KDM2B: variants seen among roughly 807,000 people sequenced by gnomAD.
The protein encoded by KDM2B is lysine demethylase 2B, also known as lysine-specific demethylase 2B.
Under a neutral mutation model 150.0 loss-of-function variants are expected in KDM2B, and 26 were observed. The observed-to-expected ratio is 0.17, with a 90% CI of 0.13 to 0.24. The LOEUF (loss-of-function observed/expected upper bound fraction) is 0.24, where lower values mean the gene tolerates loss of function less well. Among genes scored for constraint, KDM2B ranks in the 10% least tolerant of loss-of-function variants. The pLI, the probability that KDM2B is intolerant of heterozygous loss-of-function variation, is 1.00. For missense variants in KDM2B, 1,265 were observed against 1,816.9 expected (o/e 0.70, Z 5.52); for synonymous variants, 734 against 729.5 (o/e 1.01, Z -0.10).
chr12:121,548,592 A>C (rs1260268414), intron 6 of KDM2B, among the ~76,000 whole-genome samples: 6 of 152,158 alleles, frequency 3.9e-5, no homozygotes, highest in African/African-American at 1.2e-4. Context: ...AGACACACAC[A>C]CCGATGCAGA....
intron 4 of KDM2B, among the ~76,000 whole-genome samples, chr12:121,566,003 C>A (rs549711237): frequency 7.2e-5 from 11 of 151,736 alleles, no homozygotes; most frequent in Non-Finnish European, 1.0e-4. Flanking sequence ...AAAGGGGAGA[C>A]CTTGACCTCA....
At chr12:121,526,893 G>A (rs28518778) in intron 8 of KDM2B, among the ~76,000 whole-genome samples, 15 of 151,970 alleles carry the variant, frequency 9.9e-5, no homozygotes, top group East Asian at 5.9e-4. Flanking sequence ...TTAGCTGGGC[G>A]TGGTGGTGCA....
At chr12:121,445,017 G>C in intron 14 of KDM2B, 1 of 498,456 alleles carries the variant, frequency 2.0e-6, no homozygotes, top group Non-Finnish European at 3.6e-6. Context: ...TTTGCCATCT[G>C]CTGAGGCTCT....
At chr12:121,494,199 T>C (rs947841522) in intron 12 of KDM2B, 2 of 208,908 alleles carry the variant, frequency 9.6e-6, no homozygotes, top group Admixed American at 5.7e-5. Context: ...TTTTACACAC[T>C]GAGAAAAAGT....
At chr12:121,419,846 C>CTT in the KDM2B span, 2 of 165,694 alleles carry the variant, frequency 1.2e-5, no homozygotes, top group Non-Finnish European at 2.7e-5. Context: ...CTTGGGCTGA[C>CTT]CCATCAGAGC....
intron 11 of KDM2B, among the ~76,000 whole-genome samples, chr12:121,498,852 G>A (rs182520427): frequency 6.6e-6 from 1 of 152,180 alleles, no homozygotes; most frequent in Admixed American, 6.5e-5. Flanking sequence ...ACAGAGAGTT[G>A]CCCAGGCTTG....
rs1458479090 is a variant in KDM2B at position 121,429,195 on chromosome 12, A to G, written c.*1093T>C. The G allele has an allele frequency of 2.6e-5, 4 of 152,654 alleles. No homozygotes were observed. Among genetic ancestry groups the G allele is most frequent in the African/African-American group, 9.6e-5 (4 of 41,462 alleles). 9.5% of individuals were successfully genotyped at this position (152,654 alleles called of 1,614,324 possible). A position where few individuals can be genotyped will look rare whatever the true frequency, so the allele number is the denominator to read the frequency against. On this transcript the variant is annotated 3_prime_UTR_variant, in exon 23 of 23. Coordinates refer to ENST00000377071, the MANE Select transcript of KDM2B (RefSeq NM_032590.5). ...GTTCAAGAGTGGTTTTTTTTGTACA[A>G]TTGTTTATACAAATTCAACAAAGGT...
intron 6 of KDM2B, among the ~76,000 whole-genome samples, chr12:121,539,213 G>A (rs1274195945): frequency 6.6e-6 from 1 of 150,836 alleles, no homozygotes; most frequent in Non-Finnish European, 1.5e-5. Flanking sequence ...CGCGCCTGTA[G>A]TCCCAGCTAC....
At chr12:121,562,196 A>T (rs1890388620) in intron 4 of KDM2B, among the ~76,000 whole-genome samples, 1 of 151,560 alleles carries the variant, frequency 6.6e-6, no homozygotes, top group Non-Finnish European at 1.5e-5. Context: ...AACTTTAAAA[A>T]GGCCTGGCCA....
chr12:121,443,412 G>A (rs1402263916), intron 17 of KDM2B: 4 of 582,406 alleles, frequency 6.9e-6, no homozygotes, highest in Non-Finnish European at 1.2e-5. Flanking sequence ...CTTGTGGCTG[G>A]TGACAGCACG....
At chr12:121,420,847 G>T in the KDM2B span, 4 of 1,191,174 alleles carry the variant, frequency 3.4e-6, no homozygotes, top group Admixed American at 1.8e-5. Context: ...GGTTGTTTTT[G>T]TCACAATTAA....
intron 12 of KDM2B, among the ~76,000 whole-genome samples, chr12:121,464,550 G>A (rs918962164): frequency 3.3e-5 from 5 of 152,246 alleles, no homozygotes; most frequent in Admixed American, 6.5e-5. Context: ...CTCAGGTGGG[G>A]ATGAGAAGTA....
At chr12:121,481,371 T>G (rs1882115710) in intron 12 of KDM2B, among the ~76,000 whole-genome samples, 1 of 152,180 alleles carries the variant, frequency 6.6e-6, no homozygotes, top group Non-Finnish European at 1.5e-5. Context: ...TTCCCAACTT[T>G]GTAACATGAA....
intron 4 of KDM2B, among the ~76,000 whole-genome samples, chr12:121,569,383 CACCCTCCCT>C (rs1555315558): frequency 6.6e-6 from 1 of 152,180 alleles, no homozygotes; most frequent in African/African-American, 2.4e-5. Flanking sequence ...CTTCTTCACC[CACCCTCCCT>C]ACCCTCCCAT....
downstream of KDM2B, among the ~76,000 whole-genome samples, chr12:121,426,446 C>A: frequency 7.0e-6 from 1 of 141,960 alleles, no homozygotes; most frequent in African/African-American, 2.7e-5. Context: ...CTACCCCCTC[C>A]CCCCCCTTTT....
At chr12:121,420,630 C>G in the KDM2B span, 1 of 1,614,104 alleles carries the variant, frequency 6.2e-7, no homozygotes, top group Non-Finnish European at 8.5e-7. Context: ...ACTTGTCAAG[C>G]CTTGATGATG....
At chr12:121,502,296 C>A (rs1225729552) in intron 11 of KDM2B, among the ~76,000 whole-genome samples, 1 of 152,174 alleles carries the variant, frequency 6.6e-6, no homozygotes, top group African/African-American at 2.4e-5. Flanking sequence ...ACAGATGGCA[C>A]AGGGATTCGG....
At chr12:121,434,451 G>A (rs1566249998) in intron 22 of KDM2B, among the ~76,000 whole-genome samples, 4 of 147,098 alleles carry the variant, frequency 2.7e-5, no homozygotes, top group African/African-American at 5.1e-5. Context: ...AGCCAAGATC[G>A]TGCCACTGCA....
chr12:121,546,053 T>C (rs1437588720), intron 6 of KDM2B, among the ~76,000 whole-genome samples: 1 of 152,202 alleles, frequency 6.6e-6, no homozygotes, highest in East Asian at 1.9e-4. Context: ...TCTGGGGCAC[T>C]GTGGGCCTCA....
Sources: allele counts gnomAD v4.1 joint callset (sites outside exome capture counted in the v4.1 genomes callset), GRCh38; gene constraint gnomAD v4.1.1; transcripts MANE v1.5; gene names NCBI Gene and HGNC (gene_info 2026-07-23, HGNC 2026-07-21).